The following SPRED3 variants were observed in gnomAD, a reference collection of about 807,000 sequenced individuals.
SPRED3 encodes sprouty related EVH1 domain containing 3.
SPRED3 carries 23 observed loss-of-function variants against 37.6 expected under a neutral mutation model. The ratio of observed to expected loss-of-function variants is 0.61; its 90% CI spans 0.44 to 0.87. The LOEUF (loss-of-function observed/expected upper bound fraction) is 0.87, where lower values mean the gene tolerates loss of function less well. SPRED3 is among the 40% of genes least tolerant of loss of function. The pLI is 0.00. For synonymous variants in SPRED3, 302 were observed against 279.6 expected (o/e 1.08, Z -0.80); for missense variants, 584 against 618.6 (o/e 0.94, Z 0.59).
chr19:38,390,615 T>C, intron 2 of SPRED3, 136 bp downstream of exon 2: 1 of 666,002 alleles, frequency 1.5e-6, no homozygotes, highest in Admixed American at 4.3e-5. Flanking sequence ...AGTGAATATC[T>C]GTCCTGTAGA....
chr19:38,391,583 A>C (rs1350798090), intron 2 of SPRED3, among the ~76,000 whole-genome samples: 1 of 151,932 alleles, frequency 6.6e-6, no homozygotes, highest in East Asian at 1.9e-4. Context: ...AAAATATTTG[A>C]GCATCAGAGG....
chr19:38,399,396 GC>G lies in SPRED3; in HGVS notation c.*3256del, dbSNP rs1265093420. The G allele has an allele frequency of 2.0e-5, 3 of 152,166 alleles. No individual in the cohort carries two copies. The highest frequency in any genetic ancestry group is 2.0e-4 in the Admixed American group (3 of 15,286). 9.4% of individuals were successfully genotyped at this position (152,166 alleles called of 1,614,324 possible). On this transcript the variant is annotated 3_prime_UTR_variant, in exon 6 of 6. Coordinates refer to ENST00000691638, the MANE Select transcript of SPRED3 (RefSeq NM_001394336.1). Reference sequence around the variant, plus strand: ...GCTTGCCCCTCAGATCGGATGCTTGGCCCCCAGATTTGGGGGAGGCACCCCA... The same window carrying G: ...GCTTGCCCCTCAGATCGGATGCTTGGCCCCAGATTTGGGGGAGGCACCCCA...
rs1419430297 is a variant in SPRED3, at chr19:38,398,065, CAGA to C, written c.*1926_*1928del. 1 of 152,226 alleles carries C rather than the reference CAGA, an allele frequency of 6.6e-6. No individual in the cohort carries two copies. Among genetic ancestry groups the C allele is most frequent in the Non-Finnish European group, 1.5e-5 (1 of 68,062 alleles). The allele number at this position is 152,226 out of a possible 1,614,324, so 9.4% of individuals were successfully genotyped here. A position where few individuals can be genotyped will look rare whatever the true frequency, so the allele number is the denominator to read the frequency against. ...CAGTCTGCTGGCCACACTGTGCCCT[CAGA>C]AGAAGTGTGTGCAATGGAAACTTTC... On this transcript the variant is annotated 3_prime_UTR_variant, in exon 6 of 6. Transcript: ENST00000691638.
chr19:38,395,063 AGT>A lies in SPRED3; in HGVS notation c.567+280_567+281del, dbSNP rs1970878480. 6.6e-6 allele frequency among the ~76,000 whole-genome samples: 1 copy of A among 151,922 alleles called. No individual in the cohort carries two copies. The highest frequency in any genetic ancestry group is 2.4e-5 in the African/African-American group (1 of 41,332). ...CAGAGAGGTTTAGGACCATTTTCAG[AGT>A]GTATATTTGGGGAACTCCTGGAAGA... On this transcript the variant is annotated intron_variant, in intron 5 of 5. Coordinates refer to ENST00000691638, the MANE Select transcript of SPRED3 (RefSeq NM_001394336.1). The surrounding 1 kb of genome is among the most constrained non-coding windows in gnomAD (Gnocchi z 5.2).
intron 4 of SPRED3, among the ~76,000 whole-genome samples, chr19:38,393,592 TC>T (rs1970859012): frequency 6.6e-6 from 1 of 152,146 alleles, no homozygotes; most frequent in Admixed American, 6.6e-5. Flanking sequence ...CGCTTTGGCC[TC>T]CCAAATTGCT....
At chr19:38,391,397 T>A (rs1049387536) in intron 2 of SPRED3, among the ~76,000 whole-genome samples, 1 of 151,978 alleles carries the variant, frequency 6.6e-6, no homozygotes, top group African/African-American at 2.4e-5. Context: ...AGAAGAGGAT[T>A]CACAATAATA....
rs1300441617 is a variant in SPRED3, at chr19:38,397,054, G to A, written c.*909G>A. Reference sequence around the variant, plus strand: ...ATAGGTCCACCCACCCCCAAGCCAGGGTTCTCAGGAGCTTTGGATATCATT... The same window carrying A: ...ATAGGTCCACCCACCCCCAAGCCAGAGTTCTCAGGAGCTTTGGATATCATT... On this transcript the variant is annotated 3_prime_UTR_variant, in exon 6 of 6. Transcript: ENST00000691638. 1.3e-5 allele frequency: 2 copies of A among 152,134 alleles called. No individual in the cohort carries two copies. The highest frequency in any genetic ancestry group is 2.9e-5 in the Non-Finnish European group (2 of 68,034). 9.4% of individuals were successfully genotyped at this position (152,134 alleles called of 1,614,324 possible). A position where few individuals can be genotyped will look rare whatever the true frequency, so the allele number is the denominator to read the frequency against.
intron 2 of SPRED3, 104 bp downstream of exon 2, chr19:38,390,583 A>C (rs986382800): frequency 5.2e-6 from 5 of 970,070 alleles, no homozygotes; most frequent in Admixed American, 4.3e-5. Context: ...CCTAGGAATC[A>C]AGCTGGGGTG....
chr19:38,395,725 C>A lies in SPRED3; in HGVS notation c.813C>A (p.Pro271=), dbSNP rs533779860. ...CCGAGGCTGCGCCCCCAGCGCCCCC[C>A]GCTCGCCCACCCCCCGGCCCGGGCC... ...PLTEAAPPAP[P]ARPPPGPGPS... Residue 271 remains proline (P), a synonymous_variant, in exon 6 of 6, where the codon CCC becomes CCA. Coordinates refer to ENST00000691638, the MANE Select transcript of SPRED3 (RefSeq NM_001394336.1). The surrounding 1 kb of genome is among the most constrained non-coding windows in gnomAD (Gnocchi z 5.2). 777 of 1,454,066 alleles carry A rather than the reference C, an allele frequency of 5.3e-4. 2 individuals carry two copies. The highest frequency in any genetic ancestry group is 1.8e-3 in the South Asian group (132 of 72,796). 90.1% of individuals were successfully genotyped at this position (1,454,066 alleles called of 1,614,324 possible).
At chr19:38,393,705 C>T (rs904415417) in intron 4 of SPRED3, among the ~76,000 whole-genome samples, 5 of 152,142 alleles carry the variant, frequency 3.3e-5, no homozygotes, top group African/African-American at 7.2e-5. Flanking sequence ...ATCTTTTGTT[C>T]GTTTCTTGCT....
chr19:38,392,204 T>C lies in SPRED3; in HGVS notation c.347-8T>C, dbSNP rs773584521. On this transcript the variant is annotated splice_polypyrimidine_tract_variant and splice_region_variant and intron_variant, in intron 3 of 5. Transcript: ENST00000691638. ...GGAACTCACTCTCTGCCTCTCTCCC[T>C]GCCCCAGGCTCACTCACCCCCTCCT... The C allele has an allele frequency of 1.5e-5, 24 of 1,599,866 alleles. No individual in the cohort carries two copies. Among genetic ancestry groups the C allele is most frequent in the Non-Finnish European group, 2.0e-5 (24 of 1,172,090 alleles).
At position 38,392,087 on chromosome 19, in the gene SPRED3, C is replaced by T. The variant is rs1970839321; in HGVS notation, c.319C>T (p.Leu107=). The T allele has an allele frequency of 1.2e-6, 2 of 1,614,188 alleles. No homozygotes were observed. The highest frequency in any genetic ancestry group is 4.5e-5 in the East Asian group (2 of 44,886). The change falls in exon 3 of 6, where the codon CTG becomes TTG. Residue 107 remains leucine, a synonymous_variant. Coordinates refer to ENST00000691638, the MANE Select transcript of SPRED3 (RefSeq NM_001394336.1). ...AEADEFQKSL[L]AALAALGRGS... ...GGCTGATGAGTTCCAGAAGAGCCTG[C>T]TGGCTGCGCTGGCCGCACTGGGTCG...
At chr19:38,394,274 C>G (rs1196054516) in intron 4 of SPRED3, 5 of 1,392,900 alleles carry the variant, frequency 3.6e-6, no homozygotes, top group Non-Finnish European at 3.8e-6. Flanking sequence ...TTCTGAGAAG[C>G]GGGAAGACGA....
At chr19:38,392,930 C>A (rs1970850613) in intron 4 of SPRED3, among the ~76,000 whole-genome samples, 1 of 152,214 alleles carries the variant, frequency 6.6e-6, no homozygotes, top group South Asian at 2.1e-4. Flanking sequence ...GATCATGCCC[C>A]TCCCACACTC....
rs568193813 is a variant in SPRED3 at position 38,394,779 on chromosome 19, C to T, written c.560C>T (p.Ser187Phe). 1.4e-5 allele frequency: 22 copies of T among 1,569,514 alleles called. No homozygotes were observed. The African/African-American group carries it at 2.9e-4, about 21-fold the overall frequency. The change falls in exon 5 of 6, where the codon TCC becomes TTC. Residue 187 changes from serine to phenylalanine, a missense_variant. Transcript: ENST00000691638. ...PTTPPQRRRS[S>F]AQSYPPLLPF... ...ACGCCCCCCCAGCGCCGCCGCTCCT[C>T]CGCTCAGGTGCGACCTGGGAGCCTG... is the stretch of plus-strand genomic sequence containing the variant.
Position 38,395,006 on chromosome 19 carries a change from C to A in SPRED3, c.567+220C>A, listed in dbSNP as rs1324518696. Among the ~76,000 whole-genome samples, 1 of 152,152 alleles carries A rather than the reference C, an allele frequency of 6.6e-6. No individual in the cohort carries two copies. Among genetic ancestry groups the A allele is most frequent in the Non-Finnish European group, 1.5e-5 (1 of 68,030 alleles). On this transcript the variant is annotated intron_variant, in intron 5 of 5. Transcript: ENST00000691638. The surrounding 1 kb of genome is among the most constrained non-coding windows in gnomAD (Gnocchi z 5.2). ...GGTGCGGGCCTCCCGAGTCTCCTTG[C>A]GCTCTTGGAGATTTTGAGGGGTTTC...
In SPRED3 at chr19:38,397,618, C is replaced by T. The variant is rs1177645399; in HGVS notation, c.*1473C>T. ...ATCCCCACTTGTCGGACCTCAGAGACCTGCTGCCCCTTGAATCCTGTCATC... is the reference window on the plus strand; with the variant it reads ...ATCCCCACTTGTCGGACCTCAGAGATCTGCTGCCCCTTGAATCCTGTCATC... On this transcript the variant is annotated 3_prime_UTR_variant, in exon 6 of 6. Transcript: ENST00000691638. 1 of 152,238 alleles carries T rather than the reference C, an allele frequency of 6.6e-6. No homozygotes were observed. Among genetic ancestry groups the T allele is most frequent in the Non-Finnish European group, 1.5e-5 (1 of 68,110 alleles). The allele number at this position is 152,238 out of a possible 1,614,324, so 9.4% of individuals were successfully genotyped here. A position where few individuals can be genotyped will look rare whatever the true frequency, so the allele number is the denominator to read the frequency against.
Position 38,397,198 on chromosome 19 carries a change from C to T in SPRED3, c.*1053C>T, listed in dbSNP as rs1338562788. On this transcript the variant is annotated 3_prime_UTR_variant, in exon 6 of 6. Transcript: ENST00000691638. Reference sequence around the variant, plus strand: ...GCCCTCTCTTGCAGTCCCTCCTGGACCTGGATTTTGAGACCCCAAATGTCC... The same window carrying T: ...GCCCTCTCTTGCAGTCCCTCCTGGATCTGGATTTTGAGACCCCAAATGTCC... 6.6e-6 allele frequency: 1 copy of T among 152,166 alleles called. No individual in the cohort carries two copies. The highest frequency in any genetic ancestry group is 1.9e-4 in the East Asian group (1 of 5,188). The allele number at this position is 152,166 out of a possible 1,614,324, so 9.4% of individuals were successfully genotyped here. A position where few individuals can be genotyped will look rare whatever the true frequency, so the allele number is the denominator to read the frequency against.
In SPRED3 at chr19:38,390,475, A is replaced by G. The variant is rs1224741675; in HGVS notation, c.173A>G (p.Gln58Arg). 7.4e-7 allele frequency: 1 copy of G among 1,352,490 alleles called. No homozygotes were observed. Among genetic ancestry groups the G allele is most frequent in the Non-Finnish European group, 9.5e-7 (1 of 1,047,146 alleles). 83.8% of individuals were successfully genotyped at this position (1,352,490 alleles called of 1,614,324 possible). A position where few individuals can be genotyped will look rare whatever the true frequency, so the allele number is the denominator to read the frequency against. ...ATCCACGGGGAACGCCTCCGGGACCAGAAAGTGAGCCACCCTGGGGCATGC... is the reference window on the plus strand; with the variant it reads ...ATCCACGGGGAACGCCTCCGGGACCGGAAAGTGAGCCACCCTGGGGCATGC... ...YVIHGERLRD[Q>R]KTTLECTLKP... Residue 58 changes from glutamine (Q) to arginine (R), a missense_variant, in exon 2 of 6, where the codon CAG becomes CGG. Gln to Arg is a conservative substitution (Grantham distance 43). Transcript: ENST00000691638.
Sources: allele counts gnomAD v4.1 joint callset (sites outside exome capture counted in the v4.1 genomes callset), GRCh38; gene constraint gnomAD v4.1.1; non-coding constraint Gnocchi (gnomAD v3.1); transcripts MANE v1.5; gene names NCBI Gene and HGNC (gene_info 2026-07-23, HGNC 2026-07-21).